TRPM3: variants seen among roughly 807,000 people sequenced by gnomAD.
TRPM3 encodes the protein long transient receptor potential channel 3.
In TRPM3, 77 loss-of-function variants were observed where a neutral mutation model predicts 181.2. The observed-to-expected ratio is 0.42, with a 90% CI of 0.35 to 0.51. The LOEUF (loss-of-function observed/expected upper bound fraction) is 0.51. TRPM3 is among the 20% of genes least tolerant of loss of function. The probability of loss-of-function intolerance (pLI) is 0.01; values close to 1 mark genes in which losing one functional copy is unlikely to be tolerated. For missense variants in TRPM3, 1,759 were observed against 2,196.7 expected (o/e 0.80, Z 3.98); for synonymous variants, 745 against 796.4 (o/e 0.94, Z 1.09).
At chr9:71,446,851 C>T (rs1433240415), upstream of TRPM3, 3 of 1,531,534 alleles carry the variant, frequency 2.0e-6, no homozygotes, top group South Asian at 2.4e-5. Context: ...GTTCGCCTCC[C>T]TCGGCCGGGA....
intron 1 of TRPM3, among the ~76,000 whole-genome samples, chr9:71,284,561 T>C (rs923323019): frequency 6.6e-6 from 1 of 152,220 alleles, no homozygotes; most frequent in African/African-American, 2.4e-5. Flanking sequence ...GTTATTCTTT[T>C]AAGTGGTGAG....
intron 1 of TRPM3, among the ~76,000 whole-genome samples, chr9:71,191,522 T>C (rs1242401137): frequency 6.6e-6 from 1 of 151,714 alleles, no homozygotes; most frequent in Non-Finnish European, 1.5e-5. Flanking sequence ...TTTTCATTTA[T>C]TTTTGCTCAT....
chr9:70,938,970 A>T (rs1311381373), intron 1 of TRPM3, among the ~76,000 whole-genome samples: 3 of 151,768 alleles, frequency 2.0e-5, no homozygotes, highest in African/African-American at 7.2e-5. Context: ...AAAAAAAAAT[A>T]AAAATAAAAA....
chr9:71,038,971 C>T (rs1229600384), intron 1 of TRPM3, among the ~76,000 whole-genome samples: 1 of 152,070 alleles, frequency 6.6e-6, no homozygotes, highest in Non-Finnish European at 1.5e-5. Context: ...TGACCCTGTC[C>T]TCAGTGCATT....
chr9:70,869,167 G>A (rs1285901375), intron 1 of TRPM3: 9 of 515,178 alleles, frequency 1.7e-5, no homozygotes, highest in African/African-American at 2.1e-5. Context: ...ATGAACTTGG[G>A]CAGATTAGCC....
chr9:70,617,371 A>G (rs1208558503), intron 17 of TRPM3, among the ~76,000 whole-genome samples: 1 of 151,790 alleles, frequency 6.6e-6, no homozygotes, highest in East Asian at 1.9e-4. Context: ...GAGAAGGGGT[A>G]TTGGTCCCAT....
At chr9:70,852,471 CCAAT>C (rs959046511) in intron 3 of TRPM3, among the ~76,000 whole-genome samples, 1 of 152,104 alleles carries the variant, frequency 6.6e-6, no homozygotes, top group African/African-American at 2.4e-5. Flanking sequence ...TTACCTATGA[CCAAT>C]CAGTCTCCAA....
intron 9 of TRPM3, among the ~76,000 whole-genome samples, chr9:70,665,475 G>A (rs2061715516): frequency 6.6e-6 from 1 of 152,144 alleles, no homozygotes; most frequent in Non-Finnish European, 1.5e-5. Context: ...ACATTGGAAA[G>A]CACCAGGGTA....
chr9:70,775,117 A>C (rs1213722013), intron 7 of TRPM3: 2 of 152,318 alleles, frequency 1.3e-5, no homozygotes, highest in East Asian at 3.9e-4. Context: ...GTAAGGCATT[A>C]ATCCACTGTA....
chr9:70,968,513 G>C (rs566420804), intron 1 of TRPM3, among the ~76,000 whole-genome samples: 1 of 152,254 alleles, frequency 6.6e-6, no homozygotes, highest in Admixed American at 6.5e-5. Flanking sequence ...CTGGGATTCA[G>C]TTCTATTCCA....
chr9:71,089,187 C>T (rs933686082), intron 1 of TRPM3, among the ~76,000 whole-genome samples: 19 of 145,118 alleles, frequency 1.3e-4, no homozygotes, highest in South Asian at 2.2e-4. Context: ...TTTTATGATA[C>T]GTGAATATAT....
At chr9:71,153,434 G>A (rs2134643112) in intron 1 of TRPM3, among the ~76,000 whole-genome samples, 1 of 151,882 alleles carries the variant, frequency 6.6e-6, no homozygotes, top group Non-Finnish European at 1.5e-5. Context: ...GGGATTACAG[G>A]CATCTACCAC....
At chr9:71,246,018 T>C (rs1225188321) in intron 1 of TRPM3, among the ~76,000 whole-genome samples, 4 of 152,172 alleles carry the variant, frequency 2.6e-5, no homozygotes, top group East Asian at 3.8e-4. Context: ...AAAGGAGGGA[T>C]TGGAGTATGA....
intron 4 of TRPM3, 72 bp downstream of exon 4, chr9:70,846,306 T>G: frequency 2.1e-6 from 3 of 1,431,586 alleles, no homozygotes; most frequent in South Asian, 1.2e-5. Context: ...ATAATTAATC[T>G]TAGCAGAAAA....
At chr9:71,158,409 G>C (rs1351342387) in intron 1 of TRPM3, among the ~76,000 whole-genome samples, 2 of 152,076 alleles carry the variant, frequency 1.3e-5, no homozygotes, top group African/African-American at 4.8e-5. Context: ...TATCCAGTAA[G>C]GATGAACACC....
intron 8 of TRPM3, among the ~76,000 whole-genome samples, chr9:70,698,311 A>G (rs1003662770): frequency 1.3e-5 from 2 of 151,886 alleles, no homozygotes; most frequent in African/African-American, 4.8e-5. Context: ...CTCTGGAGTC[A>G]ATTTGCTTGT....
chr9:71,038,528 C>A (rs1170096185), intron 1 of TRPM3, among the ~76,000 whole-genome samples: 2 of 152,150 alleles, frequency 1.3e-5, no homozygotes, highest in Non-Finnish European at 1.5e-5. Flanking sequence ...CTAACAATAT[C>A]TTTCCCTATT....
intron 24 of TRPM3, 116 bp downstream of exon 24, chr9:70,552,728 T>TCTGCAGC (rs1345279394): frequency 4.7e-5 from 49 of 1,053,168 alleles, no homozygotes; most frequent in African/African-American, 6.3e-5. Context: ...TTCAGAGCTG[T>TCTGCAGC]CTGCAGCCTG....
chr9:71,121,443 C>A lies in TRPM3; in HGVS notation c.-89G>T. The A allele has an allele frequency of 6.7e-7, 1 of 1,495,470 alleles. No individual in the cohort carries two copies. The highest frequency in any genetic ancestry group is 1.4e-5 in the South Asian group (1 of 72,454). 92.6% of individuals were successfully genotyped at this position (1,495,470 alleles called of 1,614,324 possible). The stretch of plus-strand genomic sequence containing the variant: ...TAGTCAAGTAGCCTTGCCTGAGCCC[C>A]TGAACCTTCTTAAAACAGCCACCTC... On this transcript the variant is annotated 5_prime_UTR_variant, in exon 1 of 26. It adds an upstream start codon to the 5' untranslated region. Transcript: ENST00000677713.
Sources: gnomAD v4.1 joint callset for allele counts (sites outside exome capture counted in the v4.1 genomes callset) on GRCh38, gnomAD v4.1.1 for gene constraint, MANE v1.5 for transcripts, NCBI Gene and HGNC (gene_info 2026-07-23, HGNC 2026-07-21) for gene names.